Variants in KAZN observed in about 807,000 individuals in gnomAD.
KAZN encodes the protein kazrin.
Under a neutral mutation model 87.4 loss-of-function variants are expected in KAZN, and 40 were observed. The ratio of observed to expected loss-of-function variants is 0.46; its 90% CI spans 0.36 to 0.60. The LOEUF is 0.60. Among genes scored for constraint, KAZN ranks in the 20% least tolerant of loss-of-function variants. KAZN has a pLI of 0.00. For synonymous variants in KAZN, 466 were observed against 458.3 expected (o/e 1.02, Z -0.22); for missense variants, 898 against 1,073.9 (o/e 0.84, Z 2.29).
chr1:15,094,807 G>C lies in KAZN; in HGVS notation c.1429-8G>C, dbSNP rs1448119785. On this transcript the variant is annotated splice_polypyrimidine_tract_variant and splice_region_variant and intron_variant, in intron 9 of 14. Transcript: ENST00000376030. This position sits in a 1 kb window ranked among gnomAD's most constrained non-coding sequence, Gnocchi z 4.5. ...CAGCCCCCATATGACACTCCCTCCC[G>C]GGGGCAGGTGCTGCTGAGCCTGAGT... 1.3e-6 allele frequency: 2 copies of C among 1,542,656 alleles called. No homozygotes were observed. Among genetic ancestry groups the C allele is most frequent in the Admixed American group, 2.0e-5 (1 of 50,846 alleles).
chr1:14,098,178 C>G lies in KAZN; in HGVS notation c.92-82257C>G, dbSNP rs553371584. Among the ~76,000 whole-genome samples the G allele has an allele frequency of 1.4e-3, 208 of 152,254 alleles. 1 individual carries two copies. The highest frequency in any genetic ancestry group is 4.8e-3 in the African/African-American group (201 of 41,560). On this transcript the variant is annotated intron_variant, in intron 1 of 16. Coordinates refer to the KAZN transcript ENST00000636203. The stretch of plus-strand genomic sequence containing the variant: ...TCAGTCATCTGTGAAGCTCTTTCAT[C>G]AGCTTCCTCACCTTCTGACTCAAGT...
At position 14,418,039 on chromosome 1, in the gene KAZN, A is replaced by C. The variant is rs565244609; in HGVS notation, c.250-180944A>C. On this transcript the variant is annotated intron_variant, in intron 2 of 16. Coordinates refer to the KAZN transcript ENST00000636203. The stretch of plus-strand genomic sequence containing the variant: ...AAAAAAAAAAAAAAAAAAAAAAAAA[A>C]AAAAACCTACATCGAAAGATTTGCC... Among the ~76,000 whole-genome samples, 14 of 134,346 alleles carry C rather than the reference A, an allele frequency of 1.0e-4. 1 individual carries two copies. Among genetic ancestry groups the C allele is most frequent in the South Asian group, 2.4e-4 (1 of 4,172 alleles). The allele number at this position is 134,346 out of a possible 152,430, so 88.1% of individuals were successfully genotyped here.
chr1:14,696,901 A>G (rs951889819), intron 1 of KAZN, among the ~76,000 whole-genome samples: 8 of 152,188 alleles, frequency 5.3e-5, no homozygotes, highest in Non-Finnish European at 1.0e-4. Context: ...AGTGAACAGG[A>G]GTCAAGTAAA....
intron 2 of KAZN, among the ~76,000 whole-genome samples, chr1:14,220,944 A>G (rs945679924): frequency 2.0e-5 from 3 of 152,180 alleles, no homozygotes; most frequent in Admixed American, 2.0e-4. Context: ...TTTAGGTTGA[A>G]GCAGCTTCCT....
At chr1:13,924,895 A>G (rs1640214299) in intron 1 of KAZN, among the ~76,000 whole-genome samples, 1 of 152,198 alleles carries the variant, frequency 6.6e-6, no homozygotes, top group African/African-American at 2.4e-5. Context: ...AACTTTCTAA[A>G]TTAACTAAGA....
At chr1:14,239,145 C>T (rs971581823) in intron 2 of KAZN, among the ~76,000 whole-genome samples, 1 of 152,214 alleles carries the variant, frequency 6.6e-6, no homozygotes, top group Non-Finnish European at 1.5e-5. Flanking sequence ...AACCTCCCCT[C>T]ATTTTCCGTA....
At chr1:14,499,842 A>T (rs1319520438) in intron 2 of KAZN, among the ~76,000 whole-genome samples, 2 of 152,112 alleles carry the variant, frequency 1.3e-5, no homozygotes, top group Non-Finnish European at 2.9e-5. Context: ...CACTGAGCTT[A>T]GCGGTGTGCT....
At chr1:14,419,753 G>C (rs533783901) in intron 2 of KAZN, among the ~76,000 whole-genome samples, 1 of 151,934 alleles carries the variant, frequency 6.6e-6, no homozygotes, top group Non-Finnish European at 1.5e-5. Flanking sequence ...CTCTTAAGGC[G>C]GTGCGTCTGG....
chr1:13,895,386 C>A (rs1638998338), intron 1 of KAZN, among the ~76,000 whole-genome samples: 1 of 152,140 alleles, frequency 6.6e-6, no homozygotes, highest in African/African-American at 2.4e-5. Flanking sequence ...AAAGTACCTC[C>A]CCTGCGGCTT....
chr1:14,294,475 C>T (rs772231708), intron 2 of KAZN, among the ~76,000 whole-genome samples: 2 of 151,936 alleles, frequency 1.3e-5, no homozygotes, highest in Non-Finnish European at 2.9e-5. Flanking sequence ...GGCATCCTTG[C>T]AAGCTACTGT....
chr1:14,125,213 C>G (rs1439186969), intron 1 of KAZN, among the ~76,000 whole-genome samples: 1 of 152,164 alleles, frequency 6.6e-6, no homozygotes, highest in African/African-American at 2.4e-5. Flanking sequence ...CCTCTACCCA[C>G]TGGATGTCAG....
intron 8 of KAZN, among the ~76,000 whole-genome samples, chr1:15,093,674 AGG>A (rs1335409830): frequency 6.6e-6 from 1 of 152,202 alleles, no homozygotes; most frequent in African/African-American, 2.4e-5. Context: ...AGGTGAGCAG[AGG>A]GGTGAATACT....
At chr1:14,151,066 C>G (rs1645462904) in intron 1 of KAZN, among the ~76,000 whole-genome samples, 1 of 152,048 alleles carries the variant, frequency 6.6e-6, no homozygotes, top group Non-Finnish European at 1.5e-5. Flanking sequence ...TTCAGTTTGA[C>G]TACTTATTGA....
intron 1 of KAZN, among the ~76,000 whole-genome samples, chr1:14,074,083 A>G (rs1486153068): frequency 6.6e-6 from 1 of 152,156 alleles, no homozygotes; most frequent in African/African-American, 2.4e-5. Flanking sequence ...GCCCTGGACA[A>G]TAGTACAAAG....
At chr1:14,890,120 G>A (rs558602129) in intron 1 of KAZN, among the ~76,000 whole-genome samples, 1 of 152,238 alleles carries the variant, frequency 6.6e-6, no homozygotes, top group South Asian at 2.1e-4. Context: ...CCCTGAGGGG[G>A]CTTCCCAGAA....
At chr1:13,935,152 G>A (rs1306685754) in intron 1 of KAZN, among the ~76,000 whole-genome samples, 4 of 151,696 alleles carry the variant, frequency 2.6e-5, no homozygotes, top group Non-Finnish European at 5.9e-5. Context: ...CAGGAGAATC[G>A]CATGAACCCA....
intron 7 of KAZN, among the ~76,000 whole-genome samples, chr1:15,064,448 C>T (rs1347747635): frequency 6.6e-6 from 1 of 152,220 alleles, no homozygotes; most frequent in Non-Finnish European, 1.5e-5. Flanking sequence ...CATGATGCCA[C>T]CACATGTCTT....
At chr1:14,340,737 T>C (rs1427488027) in intron 2 of KAZN, among the ~76,000 whole-genome samples, 1 of 152,218 alleles carries the variant, frequency 6.6e-6, no homozygotes. Context: ...TCATTTGCCA[T>C]TTATTCCAGC....
intron 2 of KAZN, among the ~76,000 whole-genome samples, chr1:14,372,180 G>C (rs1021158822): frequency 2.6e-5 from 4 of 152,200 alleles, no homozygotes. Flanking sequence ...ACTGTTTACT[G>C]TGTATTTAAG....
Sources: allele counts gnomAD v4.1 joint callset (sites outside exome capture counted in the v4.1 genomes callset), GRCh38; gene constraint gnomAD v4.1.1; non-coding constraint Gnocchi (gnomAD v3.1); transcripts MANE v1.5; gene names NCBI Gene and HGNC (gene_info 2026-07-23, HGNC 2026-07-21).